Variants in TPTE2 observed in about 807,000 individuals in gnomAD.
The protein encoded by TPTE2 is phosphatidylinositol 3,4,5-trisphosphate 3-phosphatase TPTE2.
Under a neutral mutation model 78.6 loss-of-function variants are expected in TPTE2, and 53 were observed. The observed-to-expected ratio is 0.67, with a 90% CI of 0.54 to 0.85. TPTE2 has a LOEUF of 0.85. Ranked by LOEUF, TPTE2 falls within the 40% of genes least tolerant of loss-of-function variation. The probability of loss-of-function intolerance (pLI) is 0.00; values close to 1 mark genes in which losing one functional copy is unlikely to be tolerated. For missense variants in TPTE2, 461 were observed against 623.0 expected, an observed-to-expected ratio of 0.74 and a Z score of 2.77; for synonymous variants, 175 against 206.2, an observed-to-expected ratio of 0.85 and a Z score of 1.30.
At chr13:19,528,991 T>C (rs953273585) in intron 1 of TPTE2, among the ~76,000 whole-genome samples, 2 of 152,090 alleles carry the variant, frequency 1.3e-5, no homozygotes, top group Admixed American at 6.6e-5. Flanking sequence ...TGGTGGCATG[T>C]GCCTATAGTT....
chr13:19,467,433 C>T (rs1399679097), intron 6 of TPTE2, 89 bp from the exon 10 acceptor site: 2 of 1,019,642 alleles, frequency 2.0e-6, no homozygotes, highest in Non-Finnish European at 2.7e-6. Flanking sequence ...CTGACTCATC[C>T]CCATTAAGAA....
intron 10 of TPTE2, among the ~76,000 whole-genome samples, chr13:19,457,979 T>C (rs1269863530): frequency 1.3e-5 from 2 of 152,190 alleles, no homozygotes; most frequent in African/African-American, 2.4e-5. Context: ...GCATCTTGCT[T>C]GGTTCTGAGA....
chr13:19,551,004 AT>A, the TPTE2 span, among the ~76,000 whole-genome samples: 4 of 152,112 alleles, frequency 2.6e-5, no homozygotes, highest in Non-Finnish European at 5.9e-5. Context: ...GACTTGGAAC[AT>A]CCAAGTTTCT....
At chr13:19,488,785 T>C (rs981571681) in intron 3 of TPTE2, among the ~76,000 whole-genome samples, 3 of 152,254 alleles carry the variant, frequency 2.0e-5, no homozygotes, top group South Asian at 4.1e-4. Context: ...ATCATTTGTA[T>C]GTTCAGTGGA....
intron 6 of TPTE2, among the ~76,000 whole-genome samples, chr13:19,468,092 G>A (rs1474055498): frequency 6.0e-5 from 7 of 116,362 alleles, no homozygotes; most frequent in Non-Finnish European, 6.5e-5. Context: ...CCAGGCTGGA[G>A]TGCAATGGCG....
At chr13:19,477,395 T>G (rs1566057363) in intron 4 of TPTE2, among the ~76,000 whole-genome samples, 1 of 152,064 alleles carries the variant, frequency 6.6e-6, no homozygotes, top group Non-Finnish European at 1.5e-5. Context: ...AAATTGGCCT[T>G]TGATGAATGA....
chr13:19,561,339 TC>T, the TPTE2 span: 1 of 607,352 alleles, frequency 1.6e-6, no homozygotes, highest in Non-Finnish European at 2.7e-6. Context: ...CTCCACCTCC[TC>T]GCGACCGGCC....
chr13:19,463,642 T>A lies in TPTE2; in HGVS notation c.741+814A>T, dbSNP rs1404303598. Among the ~76,000 whole-genome samples, 3 of 152,184 alleles carry A rather than the reference T, an allele frequency of 2.0e-5. No homozygotes were observed. The East Asian group carries it at 5.8e-4, about 29-fold the overall frequency. On this transcript the variant is annotated intron_variant, in intron 10 of 19. Transcript: ENST00000400230. ...ATGTTAGAGAGCTTTCATAGAGAAATACTTTTTCCAATAGTTGTCTCCTAT... is the reference window on the plus strand; with the variant it reads ...ATGTTAGAGAGCTTTCATAGAGAAAAACTTTTTCCAATAGTTGTCTCCTAT...
At chr13:19,503,367 A>G, upstream of TPTE2, 1 of 1,367,246 alleles carries the variant, frequency 7.3e-7, no homozygotes, top group Non-Finnish European at 1.0e-6. Flanking sequence ...CTCTGCACAT[A>G]AACCAGTTAA....
At chr13:19,442,030 T>C (rs1877532253) in intron 13 of TPTE2, among the ~76,000 whole-genome samples, 1 of 152,108 alleles carries the variant, frequency 6.6e-6, no homozygotes, top group African/African-American at 2.4e-5. Context: ...ATTATTAAAA[T>C]TCAATGGAAC....
chr13:19,458,823 GCATTTA>G (rs1318725345), intron 10 of TPTE2: 1 of 328,316 alleles, frequency 3.0e-6, no homozygotes, highest in African/African-American at 2.2e-5. Flanking sequence ...TCATCGACTG[GCATTTA>G]GGTTGATTCC....
chr13:19,513,544 A>G (rs1869595820), intron 1 of TPTE2, among the ~76,000 whole-genome samples: 1 of 152,222 alleles, frequency 6.6e-6, no homozygotes, highest in South Asian at 2.1e-4. Flanking sequence ...GTAAATAGCA[A>G]GAAACAACAT....
At chr13:19,539,917 G>A (rs748949578), upstream of TPTE2, among the ~76,000 whole-genome samples, 1 of 152,106 alleles carries the variant, frequency 6.6e-6, no homozygotes, top group Non-Finnish European at 1.5e-5. Context: ...AGCCAAAGTG[G>A]GTGAATCACC....
chr13:19,526,541 A>C (rs1176116772), intron 1 of TPTE2, among the ~76,000 whole-genome samples: 5 of 152,034 alleles, frequency 3.3e-5, no homozygotes, highest in African/African-American at 9.7e-5. Context: ...CAAATATGGG[A>C]ACAACAGACA....
the TPTE2 span, among the ~76,000 whole-genome samples, chr13:19,542,978 C>CA: frequency 0.033 from 4,528 of 138,202 alleles, 112 homozygotes; most frequent in African/African-American, 0.072. Flanking sequence ...GACTCTGTCT[C>CA]AAAAAAAAAA....
upstream of TPTE2, among the ~76,000 whole-genome samples, chr13:19,507,370 C>T (rs1416674424): frequency 1.3e-5 from 2 of 150,920 alleles, no homozygotes; most frequent in Non-Finnish European, 2.9e-5. Flanking sequence ...CCATCCCTGC[C>T]TGTCTCCATA....
chr13:19,467,326 A>G, exon 7 of TPTE2: 1 of 1,561,610 alleles, frequency 6.4e-7, no homozygotes, highest in Non-Finnish European at 8.6e-7. Flanking sequence ...TAAATAAGTC[A>G]GAAAAATACT....
chr13:19,558,056 G>C, the TPTE2 span, among the ~76,000 whole-genome samples: 15 of 152,254 alleles, frequency 9.9e-5, no homozygotes, highest in African/African-American at 3.6e-4. Flanking sequence ...GATACAGTCA[G>C]AAATATTATC....
chr13:19,438,155 TAGAAA>T lies in TPTE2; in HGVS notation c.974-7_974-3del, dbSNP rs1877244237. The T allele has an allele frequency of 2.5e-6, 4 of 1,608,060 alleles. No individual in the cohort carries two copies. The highest frequency in any genetic ancestry group is 2.2e-5 in the South Asian group (2 of 90,242). On this transcript the variant is annotated splice_polypyrimidine_tract_variant and splice_region_variant and intron_variant, in intron 13 of 19. Transcript: ENST00000400230. ...CACAAACCATAGTCCCGGTTCTTCCTAGAAAAGAAAAGAAGTTAGTTCAAGAACAT... is the reference window on the plus strand; with the variant it reads ...CACAAACCATAGTCCCGGTTCTTCCTAGAAAAGAAGTTAGTTCAAGAACAT...
Sources: allele counts gnomAD v4.1 joint callset (sites outside exome capture counted in the v4.1 genomes callset), GRCh38; gene constraint gnomAD v4.1.1; transcripts MANE v1.5; gene names NCBI Gene and HGNC (gene_info 2026-07-23, HGNC 2026-07-21).